MYEF2: variants seen among roughly 807,000 people sequenced by gnomAD.
MYEF2 encodes myelin gene expression factor 2.
Under a neutral mutation model 75.2 loss-of-function variants are expected in MYEF2, and 37 were observed. The ratio of observed to expected loss-of-function variants is 0.49; its 90% CI spans 0.38 to 0.65. MYEF2 has a LOEUF of 0.65. Among genes scored for constraint, MYEF2 ranks in the 30% least tolerant of loss-of-function variants. MYEF2 has a pLI of 0.00. For synonymous variants in MYEF2, 195 were observed against 241.6 expected, an observed-to-expected ratio of 0.81 and a Z score of 1.79; for missense variants, 634 against 771.4, an observed-to-expected ratio of 0.82 and a Z score of 2.11.
At chr15:48,155,298 G>GA (rs1229879041) in intron 9 of MYEF2, among the ~76,000 whole-genome samples, 3 of 151,118 alleles carry the variant, frequency 2.0e-5, no homozygotes, top group East Asian at 1.9e-4. Context: ...AACTACTAGA[G>GA]AAAAAAAATC....
rs748919256 is a variant in MYEF2, at chr15:48,142,229, T to C, written c.*679A>G. Reference sequence around the variant, plus strand: ...TTTTTTAGCAGTTCACTTCAATGGCTGGAAACTAGACAGAAAGTTGGGAAT... The same window carrying C: ...TTTTTTAGCAGTTCACTTCAATGGCCGGAAACTAGACAGAAAGTTGGGAAT... On this transcript the variant is annotated 3_prime_UTR_variant, in exon 17 of 17. Coordinates refer to ENST00000324324, the MANE Select transcript of MYEF2 (RefSeq NM_016132.5). 6.2e-7 allele frequency: 1 copy of C among 1,613,852 alleles called. No homozygotes were observed. Among genetic ancestry groups the C allele is most frequent in the Admixed American group, 1.7e-5 (1 of 60,016 alleles).
chr15:48,157,306 A>G (rs1257725209), intron 9 of MYEF2: 2 of 152,130 alleles, frequency 1.3e-5, no homozygotes, highest in Non-Finnish European at 2.9e-5. Flanking sequence ...ATAATACAAT[A>G]AGTATATTAC....
chr15:48,155,014 G>A (rs2039638614), intron 9 of MYEF2, among the ~76,000 whole-genome samples: 1 of 151,952 alleles, frequency 6.6e-6, no homozygotes, highest in Non-Finnish European at 1.5e-5. Flanking sequence ...ATCCAAGATA[G>A]GAGTAAAATA....
At position 48,158,792 on chromosome 15, in the gene MYEF2, G is replaced by A. The variant is rs760654040; in HGVS notation, c.848C>T (p.Ala283Val). The A allele has an allele frequency of 5.4e-5, 87 of 1,613,616 alleles. No individual in the cohort carries two copies. The highest frequency in any genetic ancestry group is 1.2e-4 in the South Asian group (11 of 91,056). Residue 283 changes from alanine to valine, a missense_variant, in exon 7 of 17, where the codon GCA becomes GTA. Coordinates refer to ENST00000324324, the MANE Select transcript of MYEF2 (RefSeq NM_016132.5). ...ACAAATTGCTTGAACTGCTTCAATT[G>A]CTTGCTCAAAAGTGACAGTGCCCAT... The part of the protein sequence containing the change: ...RGMGTVTFEQ[A>V]IEAVQAISMF...
In MYEF2 at chr15:48,142,659, C is replaced by T. The variant is rs1175990347; in HGVS notation, c.*249G>A. 42 of 454,718 alleles carry T rather than the reference C, an allele frequency of 9.2e-5. No individual in the cohort carries two copies. In the East Asian group the frequency reaches 1.5e-3, roughly 16 times the overall value. The allele number at this position is 454,718 out of a possible 1,614,324, so 28.2% of individuals were successfully genotyped here. A position where few individuals can be genotyped will look rare whatever the true frequency, so the allele number is the denominator to read the frequency against. On this transcript the variant is annotated 3_prime_UTR_variant, in exon 17 of 17. Coordinates refer to ENST00000324324, the MANE Select transcript of MYEF2 (RefSeq NM_016132.5). The stretch of plus-strand genomic sequence containing the variant: ...AGTACTGAAAACAACAAGAAAATGG[C>T]TTATTTCATTAAAAACAGTATAACC...
Position 48,139,022 on chromosome 15 carries a change from G to GT in MYEF2, c.*3885dup. 1 of 1,612,936 alleles carries GT rather than the reference G, an allele frequency of 6.2e-7. No individual in the cohort carries two copies. The highest frequency in any genetic ancestry group is 1.1e-5 in the South Asian group (1 of 91,020). On this transcript the variant is annotated 3_prime_UTR_variant, in exon 17 of 17. Coordinates refer to ENST00000324324, the MANE Select transcript of MYEF2 (RefSeq NM_016132.5). ...AGCAGACTTAAAAAGAATTTTTTGG[G>GT]TATTATCCCTTCCTATTATTACATT...
chr15:48,170,954 C>T (rs980665713), intron 1 of MYEF2, among the ~76,000 whole-genome samples: 2 of 152,134 alleles, frequency 1.3e-5, no homozygotes, highest in African/African-American at 4.8e-5. Flanking sequence ...ACTTGCTTTG[C>T]CATTTTTTTT....
Position 48,139,240 on chromosome 15 carries a change from C to CTT in MYEF2, c.*3667_*3668insAA. ...CATATAAGAACAAATTGCATATGTT[C>CTT]ACTCAAAGTAGTCTAGCTACACAGC... On this transcript the variant is annotated 3_prime_UTR_variant, in exon 17 of 17. Transcript: ENST00000324324. The CTT allele has an allele frequency of 1.5e-6, 2 of 1,363,954 alleles. No individual in the cohort carries two copies. The highest frequency in any genetic ancestry group is 2.1e-6 in the Non-Finnish European group (2 of 970,142). The allele number at this position is 1,363,954 out of a possible 1,614,324, so 84.5% of individuals were successfully genotyped here.
intron 5 of MYEF2, among the ~76,000 whole-genome samples, chr15:48,160,676 G>T (rs1443500039): frequency 9.8e-5 from 2 of 20,372 alleles, no homozygotes; most frequent in Non-Finnish European, 5.5e-3. Flanking sequence ...CTATCTTTAG[G>T]CTAAGATGAA....
At chr15:48,174,080 A>C (rs1426383403) in intron 1 of MYEF2, among the ~76,000 whole-genome samples, 1 of 152,084 alleles carries the variant, frequency 6.6e-6, no homozygotes, top group Non-Finnish European at 1.5e-5. Flanking sequence ...ACACTACCTG[A>C]TTCAAGTTAT....
Position 48,142,401 on chromosome 15 carries a change from G to T in MYEF2, c.*507C>A. 8.1e-7 allele frequency: 1 copy of T among 1,242,206 alleles called. No homozygotes were observed. The highest frequency in any genetic ancestry group is 1.1e-6 in the Non-Finnish European group (1 of 912,108). 76.9% of individuals were successfully genotyped at this position (1,242,206 alleles called of 1,614,324 possible). ...AATATGAATGGCAGGGAGGGGCAGA[G>T]AGAAAAATCCATTTCTTCATTTAAA... On this transcript the variant is annotated 3_prime_UTR_variant, in exon 17 of 17. Transcript: ENST00000324324.
At position 48,160,482 on chromosome 15, in the gene MYEF2, A is replaced by AACAT. The variant is rs549336882; in HGVS notation, c.526-682_526-679dup. ...AACACCCTACCTTTAAACAAAACCA[A>AACAT]ACATACACACACACACACACACACA... On this transcript the variant is annotated intron_variant, in intron 5 of 16. Transcript: ENST00000324324. Among the ~76,000 whole-genome samples, 714 of 139,038 alleles carry AACAT rather than the reference A, an allele frequency of 5.1e-3. 2 individuals are homozygous for AACAT. Among genetic ancestry groups the AACAT allele is most frequent in the South Asian group, 0.013 (53 of 4,190 alleles). 91.2% of individuals were successfully genotyped at this position (139,038 alleles called of 152,430 possible).
At chr15:48,151,362 A>G (rs2039485240) in intron 13 of MYEF2, 111 bp downstream of exon 13, 7 of 1,124,112 alleles carry the variant, frequency 6.2e-6, no homozygotes, top group South Asian at 1.3e-5. Context: ...TCTTCAGGTA[A>G]TAAGTTGTAT....
At chr15:48,154,841 GA>G (rs907745948) in intron 9 of MYEF2, among the ~76,000 whole-genome samples, 4 of 149,774 alleles carry the variant, frequency 2.7e-5, no homozygotes, top group South Asian at 2.1e-4. Flanking sequence ...TTGCAGGACA[GA>G]AAAAAAAATA....
At chr15:48,178,001 C>A in intron 1 of MYEF2, 76 bp downstream of exon 1, 1 of 1,515,442 alleles carries the variant, frequency 6.6e-7, no homozygotes, top group Non-Finnish European at 8.9e-7. Flanking sequence ...CCCATCGGGG[C>A]ACAGCCCGGC....
chr15:48,175,596 T>C (rs2040490375), intron 1 of MYEF2, among the ~76,000 whole-genome samples: 1 of 152,102 alleles, frequency 6.6e-6, no homozygotes, highest in Non-Finnish European at 1.5e-5. Flanking sequence ...TTTTTGTCAA[T>C]TTACCTCAAT....
At chr15:48,145,413 A>C (rs2039245461) in intron 16 of MYEF2, among the ~76,000 whole-genome samples, 1 of 151,922 alleles carries the variant, frequency 6.6e-6, no homozygotes. Flanking sequence ...AACTTCCTCA[A>C]CTAAGTTAAA....
Position 48,139,335 on chromosome 15 carries a change from C to G in MYEF2, c.*3573G>C. The G allele has an allele frequency of 5.3e-6, 3 of 568,246 alleles. No homozygotes were observed. In the South Asian group the frequency reaches 8.0e-5, roughly 15 times the overall value. The allele number at this position is 568,246 out of a possible 1,614,324, so 35.2% of individuals were successfully genotyped here. ...TGATTAAGTATTACTATAACAAGAT[C>G]ACTGGAGTTTGTGAGTTGCATATTA... On this transcript the variant is annotated 3_prime_UTR_variant, in exon 17 of 17. Transcript: ENST00000324324.
In MYEF2 at chr15:48,149,546, TAC is replaced by T. The variant is rs1452079817; in HGVS notation, c.1379-177_1379-176del. Reference sequence around the variant, plus strand: ...ATATAAAAACATAAAATTATTTTCATACAGATAACAACTTTCCAAAGAACAGA... The same window carrying T: ...ATATAAAAACATAAAATTATTTTCATAGATAACAACTTTCCAAAGAACAGA... On this transcript the variant is annotated intron_variant, in intron 14 of 16. Coordinates refer to ENST00000324324, the MANE Select transcript of MYEF2 (RefSeq NM_016132.5). The surrounding 1 kb of genome is among the most constrained non-coding windows in gnomAD (Gnocchi z 4.0). The T allele has an allele frequency of 1.4e-5, 6 of 438,282 alleles. No homozygotes were observed. The highest frequency in any genetic ancestry group is 2.3e-5 in the Non-Finnish European group (6 of 257,964). The allele number at this position is 438,282 out of a possible 1,614,324, so 27.1% of individuals were successfully genotyped here.
Sources: gnomAD v4.1 joint callset for allele counts (sites outside exome capture counted in the v4.1 genomes callset) on GRCh38, gnomAD v4.1.1 for gene constraint, Gnocchi (gnomAD v3.1) non-coding constraint, MANE v1.5 for transcripts, NCBI Gene and HGNC (gene_info 2026-07-23, HGNC 2026-07-21) for gene names.